The following TENM1 variants were observed in gnomAD, a reference collection of about 807,000 sequenced individuals.
The protein encoded by TENM1 is teneurin transmembrane protein 1.
Under a neutral mutation model 174.8 loss-of-function variants are expected in TENM1, and 35 were observed. The ratio of observed to expected loss-of-function variants is 0.20; its 90% CI spans 0.15 to 0.27. TENM1 has a LOEUF of 0.27. Among genes scored for constraint, TENM1 ranks in the 10% least tolerant of loss-of-function variants. The pLI is 1.00. For synonymous variants in TENM1, 781 were observed against 798.7 expected (o/e 0.98, Z 0.37); for missense variants, 1,633 against 2,130.1 (o/e 0.77, Z 4.59).
chrX:124,705,328 A>C, intron 4 of TENM1, 77 bp from the exon 8 acceptor site: 2 of 785,771 alleles, frequency 2.5e-6, no homozygotes, highest in Non-Finnish European at 3.7e-6. Context: ...CATTAATTTC[A>C]AACAATCATG....
the TENM1 span, among the ~76,000 whole-genome samples, chrX:125,163,750 A>C: frequency 2.7e-5 from 3 of 111,452 alleles, no homozygotes; most frequent in African/African-American, 9.8e-5. Flanking sequence ...ATAATTTTTA[A>C]TTTATACATT....
intron 3 of TENM1, among the ~76,000 whole-genome samples, chrX:124,786,478 G>A (rs747120197): frequency 3.0e-4 from 34 of 111,809 alleles, no homozygotes; most frequent in African/African-American, 8.7e-4. Flanking sequence ...CATGCAGGAG[G>A]ACTGCGTGGT....
intron 1 of TENM1, among the ~76,000 whole-genome samples, chrX:124,935,048 A>T (rs761631087): frequency 2.4e-4 from 26 of 109,568 alleles, no homozygotes; most frequent in African/African-American, 7.3e-4. Context: ...GAAGGATTAA[A>T]TTAATGCTTT....
chrX:124,894,371 C>T lies in TENM1; in HGVS notation c.479-19G>A, dbSNP rs147574320. The T allele has an allele frequency of 1.2e-3, 1,392 of 1,159,176 alleles. 17 individuals carry two copies. In the African/African-American group the frequency reaches 0.023, roughly 19 times the overall value. On this transcript the variant is annotated intron_variant, in intron 2 of 31. Coordinates refer to ENST00000422452, the Ensembl canonical transcript of TENM1. ...TTGAAACCTGTAACAGTAAACATTT[C>T]ACTAGTTAAGCCTTGTCCAAGTCAT...
intron 11 of TENM1, among the ~76,000 whole-genome samples, chrX:124,579,270 CA>C (rs2049244293): frequency 8.9e-6 from 1 of 111,939 alleles, no homozygotes; most frequent in Non-Finnish European, 1.9e-5. Flanking sequence ...TCTCTCTAAC[CA>C]AGCCCCAATT....
chrX:125,137,735 C>CT, the TENM1 span, among the ~76,000 whole-genome samples: 1 of 111,242 alleles, frequency 9.0e-6, no homozygotes, highest in Non-Finnish European at 1.9e-5. Context: ...ATTCCCCAGC[C>CT]TTTTTTTAGT....
the TENM1 span, among the ~76,000 whole-genome samples, chrX:125,010,786 G>A: frequency 9.6e-6 from 1 of 104,646 alleles, no homozygotes; most frequent in Admixed American, 1.0e-4. Context: ...TGCACTCCAG[G>A]CTGGGCAACA....
chrX:124,489,621 C>A (rs945982782), intron 20 of TENM1, among the ~76,000 whole-genome samples: 1 of 111,651 alleles, frequency 9.0e-6, no homozygotes, highest in Non-Finnish European at 1.9e-5. Flanking sequence ...CCTTTTATGT[C>A]TAGCTTCTTC....
chrX:124,887,990 C>G lies in TENM1; in HGVS notation c.535+6306G>C, dbSNP rs1436134887. Reference sequence around the variant, plus strand: ...GCAAAGGAAAGAAATGGAAAACAAACAAACAAATTCCCTCCATCAAATGTA... The same window carrying G: ...GCAAAGGAAAGAAATGGAAAACAAAGAAACAAATTCCCTCCATCAAATGTA... On this transcript the variant is annotated intron_variant, in intron 3 of 31. Coordinates refer to ENST00000422452, the Ensembl canonical transcript of TENM1. Among the ~76,000 whole-genome samples the G allele has an allele frequency of 2.7e-5, 3 of 111,887 alleles. No homozygotes were observed. The East Asian group carries it at 8.4e-4, about 31-fold the overall frequency.
chrX:125,024,260 G>A, the TENM1 span, among the ~76,000 whole-genome samples: 2 of 110,096 alleles, frequency 1.8e-5, no homozygotes, highest in Non-Finnish European at 3.8e-5. Flanking sequence ...AAAGACACCT[G>A]TACTCATATG....
intron 5 of TENM1, 102 bp from the exon 9 acceptor site, chrX:124,671,937 T>TTTAG: frequency 2.2e-6 from 2 of 903,656 alleles, no homozygotes; most frequent in East Asian, 6.3e-5. Context: ...ACAGTTTTCT[T>TTTAG]TTAGTTAGGC....
chrX:124,445,839 A>G (rs1012937876), intron 23 of TENM1, among the ~76,000 whole-genome samples: 7 of 112,167 alleles, frequency 6.2e-5, no homozygotes, highest in African/African-American at 2.3e-4. Flanking sequence ...ATCAGATGGA[A>G]GTGAGTTACC....
At chrX:125,026,332 A>C in the TENM1 span, among the ~76,000 whole-genome samples, 1 of 111,750 alleles carries the variant, frequency 8.9e-6, no homozygotes, top group South Asian at 3.7e-4. Flanking sequence ...TTCTAGAGAA[A>C]TATAAATCAC....
chrX:124,709,489 T>C (rs766223417), intron 4 of TENM1, among the ~76,000 whole-genome samples: 1 of 109,753 alleles, frequency 9.1e-6, no homozygotes, highest in East Asian at 2.8e-4. Context: ...ATAACAAGAA[T>C]GTGAGAATGA....
intron 3 of TENM1, among the ~76,000 whole-genome samples, chrX:124,738,838 G>A (rs776267109): frequency 1.8e-5 from 2 of 112,032 alleles, no homozygotes; most frequent in African/African-American, 3.2e-5. Flanking sequence ...TTGCAAATGA[G>A]AAAACAAGTC....
At chrX:124,817,195 A>G (rs1462374150) in intron 3 of TENM1, among the ~76,000 whole-genome samples, 1 of 111,187 alleles carries the variant, frequency 9.0e-6, no homozygotes, top group Non-Finnish European at 1.9e-5. Flanking sequence ...AGCTTCATCC[A>G]TGTCCCTGCA....
Position 124,471,395 on chromosome X carries a change from TAA to T in TENM1, c.3949+10335_3949+10336del, listed in dbSNP as rs1458218895. 2.8e-4 allele frequency among the ~76,000 whole-genome samples: 8 copies of T among 28,673 alleles called. 1 individual carries two copies. Among genetic ancestry groups the T allele is most frequent in the Admixed American group, 1.3e-3 (2 of 1,588 alleles). The allele number at this position is 28,673 out of a possible 115,157, so 24.9% of individuals were successfully genotyped here. On this transcript the variant is annotated intron_variant, in intron 22 of 31. Coordinates refer to ENST00000422452, the Ensembl canonical transcript of TENM1. Reference sequence around the variant, plus strand: ...ATATTATAATATATAGTACTATATATAATATATATTATAATATATAGTAATAT... The same window carrying T: ...ATATTATAATATATAGTACTATATATTATATATTATAATATATAGTAATAT...
chrX:124,918,444 T>C (rs1444159981), intron 1 of TENM1, among the ~76,000 whole-genome samples: 1 of 110,340 alleles, frequency 9.1e-6, no homozygotes, highest in Non-Finnish European at 1.9e-5. Context: ...CCTCCCATAG[T>C]GTTGGGATTA....
chrX:125,132,903 T>A, the TENM1 span, among the ~76,000 whole-genome samples: 4 of 112,106 alleles, frequency 3.6e-5, no homozygotes. Flanking sequence ...TACACACTCA[T>A]AACATTATTA....
Sources: gnomAD v4.1 joint callset for allele counts (sites outside exome capture counted in the v4.1 genomes callset) on GRCh38, gnomAD v4.1.1 for gene constraint, MANE v1.5 for transcripts, NCBI Gene and HGNC (gene_info 2026-07-23, HGNC 2026-07-21) for gene names.